PTPRG: variants seen among roughly 807,000 people sequenced by gnomAD.
PTPRG encodes the protein protein tyrosine phosphatase receptor type G.
PTPRG carries 102 observed loss-of-function variants against 165.3 expected under a neutral mutation model. That is an observed-to-expected ratio of 0.62 (90% CI 0.53 to 0.73). PTPRG has a LOEUF of 0.73. Ranked by LOEUF, PTPRG falls within the 30% of genes least tolerant of loss-of-function variation. PTPRG has a pLI of 0.00. For missense variants in PTPRG, 1,866 were observed against 1,861.4 expected (o/e 1.00, Z -0.05); for synonymous variants, 675 against 669.5 (o/e 1.01, Z -0.13).
chr3:61,860,591 C>T (rs1218345227), intron 2 of PTPRG, among the ~76,000 whole-genome samples: 1 of 151,818 alleles, frequency 6.6e-6, no homozygotes, highest in East Asian at 1.9e-4. Context: ...CAGGCACGCA[C>T]CAGCACTCAC....
intron 2 of PTPRG, among the ~76,000 whole-genome samples, chr3:61,753,432 T>G (rs1403165010): frequency 1.3e-5 from 2 of 152,186 alleles, no homozygotes; most frequent in Non-Finnish European, 2.9e-5. Context: ...CTGTCTTTCT[T>G]GAGGTGATGG....
chr3:62,285,515 G>T (rs945339480), intron 28 of PTPRG, among the ~76,000 whole-genome samples: 5 of 122,394 alleles, frequency 4.1e-5, no homozygotes, highest in Non-Finnish European at 6.7e-5. Context: ...GGGGGTGGCA[G>T]GTGGTTGTTG....
chr3:62,027,655 A>G (rs1699610473), intron 4 of PTPRG, among the ~76,000 whole-genome samples: 2 of 152,244 alleles, frequency 1.3e-5, no homozygotes, highest in South Asian at 4.1e-4. Context: ...ATTTACCTGT[A>G]GGCTAGCTTA....
At chr3:62,101,248 C>G (rs1395938081) in intron 5 of PTPRG, among the ~76,000 whole-genome samples, 2 of 152,118 alleles carry the variant, frequency 1.3e-5, no homozygotes, top group African/African-American at 4.8e-5. Context: ...AGTATCTCAG[C>G]AATTCTATTG....
Position 62,203,947 on chromosome 3 carries a change from C to A in PTPRG, c.2152C>A (p.Pro718Thr). The A allele has an allele frequency of 5.7e-6, 9 of 1,565,884 alleles. No individual in the cohort carries two copies. The highest frequency in any genetic ancestry group is 1.4e-5 in the African/African-American group (1 of 73,710). Residue 718 changes from proline (P) to threonine (T), a missense_variant, in exon 12 of 30, where the codon CCA becomes ACA. Physicochemically the swap from Pro to Thr is conservative, Grantham distance 38. Coordinates refer to ENST00000474889, the MANE Select transcript of PTPRG (RefSeq NM_002841.4). This position sits in a 1 kb window ranked among gnomAD's most constrained non-coding sequence, Gnocchi z 6.4. ...AGACAGCAGATTTATCACTGTTAATCCAGGTAAGTGGTGCAGGTCTTCTTC... is the reference window on the plus strand; with the variant it reads ...AGACAGCAGATTTATCACTGTTAATACAGGTAAGTGGTGCAGGTCTTCTTC... ...SEDSRFITVNPAEKNTSGMIS... is the reference protein window; with the variant it reads ...SEDSRFITVNTAEKNTSGMIS...
intron 4 of PTPRG, among the ~76,000 whole-genome samples, chr3:62,040,418 C>T (rs1700088929): frequency 6.6e-6 from 1 of 152,134 alleles, no homozygotes; most frequent in South Asian, 2.1e-4. Context: ...CAGAAAATTT[C>T]GACTGTCTTC....
intron 1 of PTPRG, among the ~76,000 whole-genome samples, chr3:61,655,955 G>A (rs1385175195): frequency 6.6e-6 from 1 of 151,872 alleles, no homozygotes; most frequent in Non-Finnish European, 1.5e-5. Context: ...GCTTATACCT[G>A]TAATCCTAGC....
chr3:62,098,955 A>T (rs570956609), intron 5 of PTPRG, among the ~76,000 whole-genome samples: 19 of 152,338 alleles, frequency 1.2e-4, no homozygotes, highest in African/African-American at 4.3e-4. Flanking sequence ...AACAAAAGGC[A>T]TATCGTAGTG....
chr3:62,244,852 G>A (rs192013708), intron 15 of PTPRG, among the ~76,000 whole-genome samples: 6 of 152,230 alleles, frequency 3.9e-5, no homozygotes, highest in South Asian at 2.1e-4. Flanking sequence ...ATGAATGAAC[G>A]TTAGAAAAAT....
At chr3:62,036,019 T>A (rs1162313357) in intron 4 of PTPRG, among the ~76,000 whole-genome samples, 2 of 150,502 alleles carry the variant, frequency 1.3e-5, no homozygotes, top group African/African-American at 4.9e-5. Context: ...GACAGTGCTC[T>A]GTGCATTTGG....
intron 2 of PTPRG, among the ~76,000 whole-genome samples, chr3:61,755,020 C>T (rs568609147): frequency 3.2e-4 from 49 of 151,350 alleles, no homozygotes; most frequent in African/African-American, 1.2e-3. Flanking sequence ...GAGATGGAGT[C>T]TTACCCTGTT....
chr3:61,964,318 C>A (rs745601696), intron 2 of PTPRG, among the ~76,000 whole-genome samples: 4 of 152,164 alleles, frequency 2.6e-5, no homozygotes, highest in Non-Finnish European at 5.9e-5. Flanking sequence ...GTAATCTTCA[C>A]TGAAGTATAA....
At chr3:61,717,031 C>T (rs1183762375) in intron 1 of PTPRG, among the ~76,000 whole-genome samples, 1 of 152,096 alleles carries the variant, frequency 6.6e-6, no homozygotes, top group Non-Finnish European at 1.5e-5. Context: ...ATTATGGTGA[C>T]TTGTTTCTTT....
chr3:62,117,993 A>G (rs1702926111), intron 5 of PTPRG, among the ~76,000 whole-genome samples: 1 of 152,166 alleles, frequency 6.6e-6, no homozygotes, highest in African/African-American at 2.4e-5. Flanking sequence ...AATTCTTGCC[A>G]TGTGCCTGGC....
chr3:62,170,191 ATC>A (rs1169778032), intron 8 of PTPRG, among the ~76,000 whole-genome samples: 1 of 152,100 alleles, frequency 6.6e-6, no homozygotes, highest in African/African-American at 2.4e-5. Flanking sequence ...CCTGTGAAAT[ATC>A]TTAGGTTGGG....
rs534717130 is a variant in PTPRG at position 61,720,992 on chromosome 3, C to A, written c.86-27886C>A. On this transcript the variant is annotated intron_variant, in intron 1 of 29. Transcript: ENST00000474889. Reference sequence around the variant, plus strand: ...TTGTAATTTTAATTTATTGTCTGTTCTATTTGCTGGCACTTAATCAGACAT... The same window carrying A: ...TTGTAATTTTAATTTATTGTCTGTTATATTTGCTGGCACTTAATCAGACAT... Among the ~76,000 whole-genome samples the A allele has an allele frequency of 2.0e-5, 3 of 152,308 alleles. No homozygotes were observed. In the East Asian group the frequency reaches 5.8e-4, roughly 29 times the overall value.
chr3:62,270,638 C>T (rs1285677656), intron 20 of PTPRG, among the ~76,000 whole-genome samples: 3 of 152,004 alleles, frequency 2.0e-5, no homozygotes, highest in African/African-American at 7.2e-5. Context: ...AAATTAAAGC[C>T]ATCATGGGCC....
chr3:62,120,760 AG>A (rs1703037205), intron 5 of PTPRG, among the ~76,000 whole-genome samples: 3 of 151,524 alleles, frequency 2.0e-5, no homozygotes, highest in Non-Finnish European at 4.4e-5. Flanking sequence ...AAAAAAAAAA[AG>A]AAAAAGATTG....
intron 2 of PTPRG, among the ~76,000 whole-genome samples, chr3:61,787,510 G>A (rs1028048510): frequency 5.3e-5 from 8 of 152,240 alleles, no homozygotes; most frequent in East Asian, 1.9e-4. Flanking sequence ...CATTAGTTTC[G>A]CTTTTCAGTG....
Sources: gnomAD v4.1 joint callset for allele counts (sites outside exome capture counted in the v4.1 genomes callset) on GRCh38, gnomAD v4.1.1 for gene constraint, Gnocchi (gnomAD v3.1) non-coding constraint, MANE v1.5 for transcripts, NCBI Gene and HGNC (gene_info 2026-07-23, HGNC 2026-07-21) for gene names.